Variants in AMD1 observed in about 807,000 individuals in gnomAD.
The protein encoded by AMD1 is adenosylmethionine decarboxylase 1.
A neutral mutation model predicts 40.2 loss-of-function variants in AMD1; 11 were observed. The observed-to-expected ratio is 0.27, with a 90% CI of 0.17 to 0.45. The LOEUF (loss-of-function observed/expected upper bound fraction) is 0.45, where lower values mean the gene tolerates loss of function less well. Ranked by LOEUF, AMD1 falls within the 20% of genes least tolerant of loss-of-function variation. The pLI is 1.00. For synonymous variants in AMD1, 121 were observed against 130.8 expected, an observed-to-expected ratio of 0.93 and a Z score of 0.51; for missense variants, 257 against 410.2, an observed-to-expected ratio of 0.63 and a Z score of 3.23.
chr6:110,846,673 C>A, the AMD1 span, among the ~76,000 whole-genome samples: 2 of 151,990 alleles, frequency 1.3e-5, no homozygotes, highest in African/African-American at 2.4e-5. Flanking sequence ...AGTTCAAGAC[C>A]AGCCAGGCCA....
At chr6:110,857,688 T>C in the AMD1 span, among the ~76,000 whole-genome samples, 1 of 146,596 alleles carries the variant, frequency 6.8e-6, no homozygotes, top group African/African-American at 2.5e-5. Context: ...TATATATATA[T>C]ACAGATGGCA....
At chr6:110,855,104 G>A in the AMD1 span, among the ~76,000 whole-genome samples, 5 of 111,594 alleles carry the variant, frequency 4.5e-5, no homozygotes, top group Non-Finnish European at 8.8e-5. Flanking sequence ...GAATTGTCCA[G>A]GCTGTTCTTG....
the AMD1 span, among the ~76,000 whole-genome samples, chr6:110,821,529 A>T: frequency 1.3e-5 from 2 of 152,026 alleles, no homozygotes; most frequent in Admixed American, 1.3e-4. Flanking sequence ...CGGGAGAATC[A>T]CTTGAACCCA....
At chr6:110,841,588 G>A in the AMD1 span, among the ~76,000 whole-genome samples, 2 of 151,710 alleles carry the variant, frequency 1.3e-5, no homozygotes, top group African/African-American at 4.8e-5. Context: ...CTGGCCAGTC[G>A]AGTTAAGTTT....
the AMD1 span, among the ~76,000 whole-genome samples, chr6:110,832,947 A>G: frequency 6.6e-6 from 1 of 152,072 alleles, no homozygotes; most frequent in East Asian, 1.9e-4. Context: ...CAGCCTCCAA[A>G]GTAGCTGGGA....
At chr6:110,818,781 G>A in the AMD1 span, among the ~76,000 whole-genome samples, 3 of 152,168 alleles carry the variant, frequency 2.0e-5, no homozygotes, top group African/African-American at 4.8e-5. Flanking sequence ...CAAGTGATCC[G>A]CCCACCTTGG....
chr6:110,893,590 A>G lies in AMD1; in HGVS notation c.979A>G (p.Lys327Glu), dbSNP rs1229824696. The change falls in exon 9 of 9, where the codon AAG becomes GAG. Residue 327 changes from lysine (K) to glutamate (E), a missense_variant. This residue lies in a region of AMD1 where 192 missense variants were observed against 296.5 expected (regional missense o/e 0.65). Transcript: ENST00000368885. ...CAATTTTGTTTTTACCAGTTTTGCT[A>G]AGAAGCAGCAACAACAGCAGAGTTG... Reference protein sequence around the residue: ...DYNFVFTSFAKKQQQQQS With the variant: ...DYNFVFTSFAEKQQQQQS The G allele has an allele frequency of 6.2e-7, 1 of 1,613,880 alleles. No homozygotes were observed.
the AMD1 span, among the ~76,000 whole-genome samples, chr6:110,831,025 G>A: frequency 2.0e-5 from 3 of 152,050 alleles, no homozygotes; most frequent in Non-Finnish European, 4.4e-5. Context: ...CTGGGTGTGG[G>A]TATTTTTAAT....
At chr6:110,830,568 G>A in the AMD1 span, among the ~76,000 whole-genome samples, 1 of 152,186 alleles carries the variant, frequency 6.6e-6, no homozygotes, top group East Asian at 1.9e-4. Context: ...ATTTGCATGT[G>A]ATTAAAACTG....
chr6:110,887,465 A>G, intron 1 of AMD1, 40 bp from the exon 2 acceptor site: 1 of 1,419,460 alleles, frequency 7.0e-7, no homozygotes, highest in Non-Finnish European at 9.8e-7. Flanking sequence ...GTAGGTGGGT[A>G]CTATTGTGGA....
the AMD1 span, among the ~76,000 whole-genome samples, chr6:110,869,505 C>CTT: frequency 0.012 from 1,709 of 143,756 alleles, 40 homozygotes; most frequent in African/African-American, 0.037. Context: ...TTTACAGTTT[C>CTT]TTTTTTTTTT....
chr6:110,849,074 C>CAT, the AMD1 span, among the ~76,000 whole-genome samples: 678 of 152,258 alleles, frequency 4.5e-3, 5 homozygotes, highest in African/African-American at 0.015. Context: ...TGAGGGAAAT[C>CAT]CTCAGCAGTA....
At chr6:110,865,673 G>A in the AMD1 span, among the ~76,000 whole-genome samples, 4 of 152,052 alleles carry the variant, frequency 2.6e-5, no homozygotes, top group African/African-American at 9.7e-5. Context: ...GGGATCACAG[G>A]CGTGAGCCAC....
chr6:110,859,811 C>A, the AMD1 span, among the ~76,000 whole-genome samples: 1 of 152,084 alleles, frequency 6.6e-6, no homozygotes, highest in Admixed American at 6.6e-5. Context: ...CCATGCTAAC[C>A]ACCCCCTCCA....
the AMD1 span, chr6:110,814,909 C>T: frequency 2.6e-6 from 4 of 1,523,794 alleles, no homozygotes; most frequent in South Asian, 2.3e-5. Context: ...CCGCCTCGCC[C>T]CTCGGGCACG....
At chr6:110,886,836 C>A (rs771729713) in intron 1 of AMD1, among the ~76,000 whole-genome samples, 18 of 152,190 alleles carry the variant, frequency 1.2e-4, no homozygotes, top group Non-Finnish European at 2.4e-4. Flanking sequence ...ATAATGGGCA[C>A]ACTAATGAAA....
intron 1 of AMD1, among the ~76,000 whole-genome samples, chr6:110,880,325 T>G (rs1181603130): frequency 6.6e-6 from 1 of 152,208 alleles, no homozygotes; most frequent in Non-Finnish European, 1.5e-5. Context: ...TTCTGTAGGT[T>G]GTCTTTTCAC....
chr6:110,853,951 C>A, the AMD1 span, among the ~76,000 whole-genome samples: 1 of 152,158 alleles, frequency 6.6e-6, no homozygotes, highest in Non-Finnish European at 1.5e-5. Context: ...TGTCACTTAG[C>A]AACATTTCCC....
Position 110,893,703 on chromosome 6 carries a change from T to G in AMD1, c.*87T>G. 6.9e-7 allele frequency: 1 copy of G among 1,449,108 alleles called. No homozygotes were observed. Among genetic ancestry groups the G allele is most frequent in the Non-Finnish European group, 9.4e-7 (1 of 1,065,712 alleles). 89.8% of individuals were successfully genotyped at this position (1,449,108 alleles called of 1,614,324 possible). On this transcript the variant is annotated 3_prime_UTR_variant, in exon 9 of 9. Coordinates refer to ENST00000368885, the MANE Select transcript of AMD1 (RefSeq NM_001634.6). ...TAGATGTCGATGCTGGGGGCAGTGCTTTCCATAACCACCACTGTGTAGTTG... is the reference window on the plus strand; with the variant it reads ...TAGATGTCGATGCTGGGGGCAGTGCGTTCCATAACCACCACTGTGTAGTTG...
Sources: allele counts gnomAD v4.1 joint callset (sites outside exome capture counted in the v4.1 genomes callset), GRCh38; gene constraint gnomAD v4.1.1; regional missense constraint gnomAD v4.1.1; transcripts MANE v1.5; gene names NCBI Gene and HGNC (gene_info 2026-07-23, HGNC 2026-07-21).